The following QRFPR variants were observed in gnomAD, a reference collection of about 807,000 sequenced individuals.
QRFPR encodes the protein pyroglutamylated RFamide peptide receptor, also known as pyroglutamylated RF-amide peptide receptor.
A neutral mutation model predicts 31.3 loss-of-function variants in QRFPR; 37 were observed. That is an observed-to-expected ratio of 1.18 (90% confidence interval 0.91 to 1.56). QRFPR has a LOEUF of 1.56. QRFPR is among the 40% of genes most tolerant of loss of function. The pLI, the probability that QRFPR is intolerant of heterozygous loss-of-function variation, is 0.00. For synonymous variants in QRFPR, 197 were observed against 192.0 expected, an observed-to-expected ratio of 1.03 and a Z score of -0.22; for missense variants, 542 against 532.5, an observed-to-expected ratio of 1.02 and a Z score of -0.18.
rs1189912249 is a variant in QRFPR at position 121,331,181 on chromosome 4, T to C, written c.798-658A>G. On this transcript the variant is annotated intron_variant, in intron 4 of 5. Coordinates refer to ENST00000394427, the MANE Select transcript of QRFPR (RefSeq NM_198179.3). ...TCTATACGATATATCTTGGGTTTTTTTTTTTTTTTTTTTTTTTTTTTGAGA... is the reference window on the plus strand; with the variant it reads ...TCTATACGATATATCTTGGGTTTTTCTTTTTTTTTTTTTTTTTTTTTGAGA... Among the ~76,000 whole-genome samples the C allele has an allele frequency of 6.8e-4, 92 of 135,230 alleles. 3 individuals are homozygous for C. The highest frequency in any genetic ancestry group is 6.1e-3 in the South Asian group (24 of 3,930). The allele number at this position is 135,230 out of a possible 152,430, so 88.7% of individuals were successfully genotyped here. A position where few individuals can be genotyped will look rare whatever the true frequency, so the allele number is the denominator to read the frequency against.
intron 1 of QRFPR, among the ~76,000 whole-genome samples, chr4:121,370,534 CG>C (rs1280548009): frequency 2.6e-5 from 4 of 152,170 alleles, no homozygotes; most frequent in African/African-American, 9.7e-5. Context: ...TGCCTGTGGC[CG>C]GGAGTCCGGC....
chr4:121,348,921 G>A (rs187168138), intron 1 of QRFPR, among the ~76,000 whole-genome samples: 5 of 151,964 alleles, frequency 3.3e-5, no homozygotes, highest in African/African-American at 4.8e-5. Context: ...CACGGTGAAA[G>A]CCCATCTCTA....
At chr4:121,352,063 T>C (rs1725770782) in intron 1 of QRFPR, among the ~76,000 whole-genome samples, 1 of 152,134 alleles carries the variant, frequency 6.6e-6, no homozygotes, top group Admixed American at 6.5e-5. Flanking sequence ...CTAAATTTAA[T>C]GCACTGATGT....
chr4:121,379,451 G>T (rs1726425269), intron 1 of QRFPR, among the ~76,000 whole-genome samples: 2 of 152,210 alleles, frequency 1.3e-5, no homozygotes, highest in African/African-American at 2.4e-5. Flanking sequence ...GGCCCATGGT[G>T]CACCTTAAGC....
chr4:121,376,541 TTG>T (rs1491032531), intron 1 of QRFPR, among the ~76,000 whole-genome samples: 7 of 127,568 alleles, frequency 5.5e-5, no homozygotes, highest in Middle Eastern at 8.0e-3. Flanking sequence ...ATTTCTGGGT[TTG>T]TTTTTTTTTT....
chr4:121,368,160 A>T (rs1003543512), intron 1 of QRFPR, among the ~76,000 whole-genome samples: 1 of 149,902 alleles, frequency 6.7e-6, no homozygotes, highest in Non-Finnish European at 1.5e-5. Flanking sequence ...TAAAGGGATG[A>T]GGCTCATTTT....
intron 1 of QRFPR, among the ~76,000 whole-genome samples, chr4:121,347,569 T>A (rs1725678785): frequency 6.6e-6 from 1 of 152,234 alleles, no homozygotes. Flanking sequence ...TTTCTTCTAC[T>A]TTGACGCTTA....
intron 2 of QRFPR, among the ~76,000 whole-genome samples, chr4:121,339,960 GA>G (rs996472346): frequency 2.9e-4 from 44 of 149,416 alleles, no homozygotes; most frequent in African/African-American, 8.1e-4. Flanking sequence ...ATCTAAAAAA[GA>G]AAAAAAAATC....
At position 121,380,777 on chromosome 4, in the gene QRFPR, G is replaced by A; in HGVS notation, c.-130C>T. The A allele has an allele frequency of 4.9e-6, 4 of 820,368 alleles. No individual in the cohort carries two copies. Among genetic ancestry groups the A allele is most frequent in the South Asian group, 3.7e-5 (2 of 54,676 alleles). The allele number at this position is 820,368 out of a possible 1,614,324, so 50.8% of individuals were successfully genotyped here. A position where few individuals can be genotyped will look rare whatever the true frequency, so the allele number is the denominator to read the frequency against. ...TCCTCTACTCTGGAGTCAGCCGCGC[G>A]GGAGGGCTCTAGGCTGCACCCCGGG... is the stretch of plus-strand genomic sequence containing the variant. On this transcript the variant is annotated 5_prime_UTR_variant, in exon 1 of 6. Transcript: ENST00000394427.
At chr4:121,369,858 T>C in intron 1 of QRFPR, 1 of 873,044 alleles carries the variant, frequency 1.1e-6, no homozygotes, top group South Asian at 1.3e-5. Context: ...CTCTCTTCTT[T>C]TGTTATCTCT....
chr4:121,343,642 A>T (rs1358155087), intron 1 of QRFPR, among the ~76,000 whole-genome samples: 1 of 151,772 alleles, frequency 6.6e-6, no homozygotes, highest in African/African-American at 2.4e-5. Context: ...ATTAATCTGC[A>T]TATTTATCCT....
intron 1 of QRFPR, among the ~76,000 whole-genome samples, chr4:121,349,203 T>C (rs1725717775): frequency 6.6e-6 from 1 of 152,118 alleles, no homozygotes; most frequent in Non-Finnish European, 1.5e-5. Flanking sequence ...TGAAATGTTA[T>C]GGGGATGTGT....
chr4:121,347,938 A>G (rs1468021327), intron 1 of QRFPR, among the ~76,000 whole-genome samples: 3 of 152,152 alleles, frequency 2.0e-5, no homozygotes, highest in Non-Finnish European at 4.4e-5. Context: ...GAATATATTT[A>G]TGTCTCTAAA....
In QRFPR at chr4:121,366,614, C is replaced by T. The variant is rs760430302; in HGVS notation, c.340+13694G>A. On this transcript the variant is annotated intron_variant, in intron 1 of 5. Transcript: ENST00000394427. ...AAACAATGAGCCCCTATGAGGTCACCAGATAGATGTAGCACTGAGAGTGAA... is the reference window on the plus strand; with the variant it reads ...AAACAATGAGCCCCTATGAGGTCACTAGATAGATGTAGCACTGAGAGTGAA... Among the ~76,000 whole-genome samples the T allele has an allele frequency of 1.1e-4, 17 of 149,734 alleles. 2 individuals are homozygous for T. The highest frequency in any genetic ancestry group is 6.6e-5 in the Admixed American group (1 of 15,040).
rs780370011 is a variant in QRFPR, at chr4:121,340,424, C to T, written c.499+28G>A. 5.6e-6 allele frequency: 9 copies of T among 1,610,722 alleles called. No homozygotes were observed. In the East Asian group the frequency reaches 6.7e-5, roughly 12 times the overall value. The stretch of plus-strand genomic sequence containing the variant: ...TCTGTAATGAAGAATGTCATTCACA[C>T]TGCCATTGGCACATCCAGTGGCCTC... On this transcript the variant is annotated intron_variant, in intron 2 of 5. Transcript: ENST00000394427.
intron 1 of QRFPR, among the ~76,000 whole-genome samples, chr4:121,356,325 T>TA (rs1327457722): frequency 6.6e-6 from 1 of 152,226 alleles, no homozygotes; most frequent in Non-Finnish European, 1.5e-5. Context: ...TTCTCTGTGT[T>TA]ATCTTGAGCT....
At chr4:121,332,161 T>G (rs1725339392) in intron 4 of QRFPR, among the ~76,000 whole-genome samples, 1 of 152,136 alleles carries the variant, frequency 6.6e-6, no homozygotes, top group Non-Finnish European at 1.5e-5. Context: ...ACTCCTCCAT[T>G]TAAGGCTTTT....
intron 1 of QRFPR, among the ~76,000 whole-genome samples, chr4:121,365,895 T>G (rs1404381001): frequency 6.8e-6 from 1 of 146,456 alleles, no homozygotes; most frequent in Non-Finnish European, 1.5e-5. Context: ...CAATACAGAC[T>G]TCTATGAATA....
At chr4:121,376,572 A>G (rs886435722) in intron 1 of QRFPR, among the ~76,000 whole-genome samples, 7 of 151,762 alleles carry the variant, frequency 4.6e-5, no homozygotes, top group East Asian at 3.9e-4. Flanking sequence ...TTTTTAAAAA[A>G]CAGGCCTAAC....
Sources: allele counts gnomAD v4.1 joint callset (sites outside exome capture counted in the v4.1 genomes callset), GRCh38; gene constraint gnomAD v4.1.1; transcripts MANE v1.5; gene names NCBI Gene and HGNC (gene_info 2026-07-23, HGNC 2026-07-21).